The following FBLN5 variants were observed in gnomAD, a reference collection of about 807,000 sequenced individuals.
The protein encoded by FBLN5 is fibulin-5.
In FBLN5, 24 loss-of-function variants were observed where a neutral mutation model predicts 61.6. The observed-to-expected ratio is 0.39, with a 90% CI of 0.28 to 0.55. The LOEUF (loss-of-function observed/expected upper bound fraction) is 0.55, where lower values mean the gene tolerates loss of function less well. Among genes scored for constraint, FBLN5 ranks in the 20% least tolerant of loss-of-function variants. The pLI is 0.65. For synonymous variants in FBLN5, 213 were observed against 219.8 expected, an observed-to-expected ratio of 0.97 and a Z score of 0.27; for missense variants, 470 against 594.1, an observed-to-expected ratio of 0.79 and a Z score of 2.17.
intron 4 of FBLN5, among the ~76,000 whole-genome samples, chr14:91,932,642 C>T (rs2055944149): frequency 6.6e-6 from 1 of 152,216 alleles, no homozygotes; most frequent in Non-Finnish European, 1.5e-5. Flanking sequence ...GCAAAATAGC[C>T]TGCCCAAAAA....
chr14:91,891,092 G>A, intron 6 of FBLN5, 129 bp downstream of exon 6: 2 of 732,612 alleles, frequency 2.7e-6, no homozygotes, highest in South Asian at 2.9e-5. Context: ...ATGGGGATGG[G>A]CGGGCAGTGG....
intron 4 of FBLN5, among the ~76,000 whole-genome samples, chr14:91,919,435 A>AAGGG (rs1555378260): frequency 4.0e-5 from 6 of 150,244 alleles, no homozygotes; most frequent in African/African-American, 1.5e-4. Context: ...GGAAGGAAGG[A>AAGGG]TTACCAGGGG....
intron 9 of FBLN5, 103 bp downstream of exon 9, chr14:91,881,189 C>T: frequency 7.7e-7 from 1 of 1,305,594 alleles, no homozygotes; most frequent in Non-Finnish European, 1.1e-6. Flanking sequence ...AGGCCAGGTC[C>T]CCTCACTTCC....
At chr14:91,911,664 G>T (rs1890946302) in intron 4 of FBLN5, among the ~76,000 whole-genome samples, 2 of 152,196 alleles carry the variant, frequency 1.3e-5, no homozygotes, top group Non-Finnish European at 2.9e-5. Flanking sequence ...GGCCTCTGAG[G>T]TCTCTTCTAT....
intron 10 of FBLN5, among the ~76,000 whole-genome samples, chr14:91,877,147 T>C (rs1280790055): frequency 6.6e-6 from 1 of 152,102 alleles, no homozygotes; most frequent in African/African-American, 2.4e-5. Flanking sequence ...CTGGCCTGCA[T>C]AGGAGGTACT....
In FBLN5 at chr14:91,881,296, C is replaced by A. The variant is rs910375623; in HGVS notation, c.985G>T (p.Asp329Tyr). ...RCEEPYLRIS[D>Y]NRCMCPAENP... ...CAGGGGGACGCCGTGACTTACTTAT[C>A]ACTGATCCTCAGATAAGGCTCCTCA... Residue 329 changes from aspartate (D) to tyrosine (Y), a missense_variant, in exon 9 of 11, where the codon GAT (aspartate) becomes TAT (tyrosine). Coordinates refer to ENST00000342058, the MANE Select transcript of FBLN5 (RefSeq NM_006329.4). The A allele has an allele frequency of 3.1e-6, 5 of 1,614,148 alleles. No individual in the cohort carries two copies. The highest frequency in any genetic ancestry group is 4.2e-6 in the Non-Finnish European group (5 of 1,179,998).
At chr14:91,916,307 G>A (rs1891195257) in intron 4 of FBLN5, among the ~76,000 whole-genome samples, 1 of 152,198 alleles carries the variant, frequency 6.6e-6, no homozygotes, top group African/African-American at 2.4e-5. Flanking sequence ...AATTAGCCAG[G>A]CCTGGTGGCC....
At chr14:91,906,167 A>G (rs1381270219) in intron 4 of FBLN5, among the ~76,000 whole-genome samples, 1 of 152,214 alleles carries the variant, frequency 6.6e-6, no homozygotes, top group Non-Finnish European at 1.5e-5. Flanking sequence ...GATTATAGGC[A>G]TGACCATGCC....
intron 4 of FBLN5, among the ~76,000 whole-genome samples, chr14:91,898,188 T>C (rs962588745): frequency 6.6e-6 from 1 of 151,970 alleles, no homozygotes; most frequent in Non-Finnish European, 1.5e-5. Context: ...GAGACGTCAA[T>C]AAGTCCCTGA....
At chr14:91,939,722 G>A in intron 3 of FBLN5, 1 of 294,582 alleles carries the variant, frequency 3.4e-6, no homozygotes, top group Non-Finnish European at 6.6e-6. Context: ...AAGATGGCAT[G>A]CTAAGAGAAT....
intron 4 of FBLN5, among the ~76,000 whole-genome samples, chr14:91,928,405 T>A (rs1166385675): frequency 6.6e-6 from 1 of 152,162 alleles, no homozygotes; most frequent in Non-Finnish European, 1.5e-5. Context: ...ATGCCCTAAA[T>A]TGCATAAAAT....
chr14:91,881,241 G>A (rs371053966), intron 9 of FBLN5, 51 bp downstream of exon 9: 1 of 1,611,278 alleles, frequency 6.2e-7, no homozygotes, highest in African/African-American at 1.3e-5. Flanking sequence ...CCAACCTCCT[G>A]AGCCAGGCCC....
At position 91,881,388 on chromosome 14, in the gene FBLN5, G is replaced by A. The variant is rs771425892; in HGVS notation, c.893C>T (p.Thr298Met). 3.1e-6 allele frequency: 5 copies of A among 1,614,148 alleles called. No homozygotes were observed. The highest frequency in any genetic ancestry group is 2.5e-6 in the Non-Finnish European group (3 of 1,179,982). Residue 298 changes from threonine (T) to methionine (M), a missense_variant, in exon 9 of 11, where the codon ACG becomes ATG. Physicochemically the swap from Thr to Met is moderately conservative, Grantham distance 81. Transcript: ENST00000342058. ...DINECEHRNHTCNLQQTCYNL... is the reference protein window; with the variant it reads ...DINECEHRNHMCNLQQTCYNL... Reference sequence around the variant, plus strand: ...GTAGCACGTCTGCTGCAGGTTGCACGTGTGGTTCCTGTGCTCACATTCGTT... The same window carrying A: ...GTAGCACGTCTGCTGCAGGTTGCACATGTGGTTCCTGTGCTCACATTCGTT...
chr14:91,892,722 C>G (rs2244642), intron 5 of FBLN5, among the ~76,000 whole-genome samples: 45,247 of 152,030 alleles, frequency 0.3, 6,975 homozygotes, highest in African/African-American at 0.35. Context: ...CCCTTCACTA[C>G]GGGTACCTTG....
At chr14:91,887,986 C>G (rs1889806804) in intron 6 of FBLN5, among the ~76,000 whole-genome samples, 1 of 152,124 alleles carries the variant, frequency 6.6e-6, no homozygotes, top group Non-Finnish European at 1.5e-5. Flanking sequence ...ACTGACTATG[C>G]ATCAATAAGA....
rs183140495 is a variant in FBLN5 at position 91,895,635 on chromosome 14, C to T, written c.380-563G>A. Among the ~76,000 whole-genome samples, 39 of 151,500 alleles carry T rather than the reference C, an allele frequency of 2.6e-4. No homozygotes were observed. The East Asian group carries it at 7.2e-3, about 28-fold the overall frequency. On this transcript the variant is annotated intron_variant, in intron 4 of 10. Coordinates refer to ENST00000342058, the MANE Select transcript of FBLN5 (RefSeq NM_006329.4). ...GCAACATGGTGAAACCCCGTCTCTACTAAAAATTAAAAATTAGCCGGGCCT... is the reference window on the plus strand; with the variant it reads ...GCAACATGGTGAAACCCCGTCTCTATTAAAAATTAAAAATTAGCCGGGCCT...
intron 4 of FBLN5, among the ~76,000 whole-genome samples, chr14:91,898,269 G>C (rs1890307576): frequency 6.6e-6 from 1 of 151,972 alleles, no homozygotes; most frequent in African/African-American, 2.4e-5. Context: ...GTAATGCTGT[G>C]TCCCTGGTAA....
intron 10 of FBLN5, among the ~76,000 whole-genome samples, chr14:91,872,714 G>A (rs1038349730): frequency 2.6e-5 from 4 of 152,142 alleles, no homozygotes; most frequent in South Asian, 2.1e-4. Context: ...CAGCATCCAC[G>A]TTATTGGCAC....
At position 91,940,592 on chromosome 14, in the gene FBLN5, G is replaced by A; in HGVS notation, c.97C>T (p.Leu33=). The change falls in exon 3 of 11, where the codon CTG becomes TTG. Residue 33 remains leucine, a synonymous_variant. Coordinates refer to ENST00000342058, the MANE Select transcript of FBLN5 (RefSeq NM_006329.4). ...AQAQCTNGFD[L]DRQSGQCLDI... is the part of the protein sequence containing the mutation. ...AAACACTGTCCTGACTGGCGATCCA[G>A]GTCAAAGCCATTCGTGCACTGTGCC... The A allele has an allele frequency of 1.9e-6, 3 of 1,614,076 alleles. No individual in the cohort carries two copies. Among genetic ancestry groups the A allele is most frequent in the Non-Finnish European group, 2.5e-6 (3 of 1,179,984 alleles).
Sources: gnomAD v4.1 joint callset for allele counts (sites outside exome capture counted in the v4.1 genomes callset) on GRCh38, gnomAD v4.1.1 for gene constraint, MANE v1.5 for transcripts, NCBI Gene and HGNC (gene_info 2026-07-23, HGNC 2026-07-21) for gene names.